KCNE1: variants seen among roughly 807,000 people sequenced by gnomAD.
KCNE1 encodes potassium voltage-gated channel subfamily E regulatory subunit 1, also known as potassium voltage-gated channel subfamily E member 1.
A neutral mutation model predicts 2.9 loss-of-function variants in KCNE1; 1 was observed. That is an observed-to-expected ratio of 0.34 (90% confidence interval 0.12 to 1.62). KCNE1 has a LOEUF of 1.62. KCNE1 is among the 40% of genes most tolerant of loss of function. The pLI is 0.36. For missense variants in KCNE1, 45 were observed against 150.5 expected, an observed-to-expected ratio of 0.30 and a Z score of 3.67; for synonymous variants, 23 against 65.4, an observed-to-expected ratio of 0.35 and a Z score of 3.13.
chr21:34,506,974 T>C (rs41315345), intron 2 of KCNE1, among the ~76,000 whole-genome samples: 1,717 of 152,270 alleles, frequency 0.011, 31 homozygotes, highest in African/African-American at 0.039. Context: ...AGGGGACGCA[T>C]GGCACACCCA....
chr21:34,503,431 C>A (rs189782395), intron 2 of KCNE1, among the ~76,000 whole-genome samples: 52 of 152,230 alleles, frequency 3.4e-4, no homozygotes, highest in Middle Eastern at 3.4e-3. Flanking sequence ...AAAACTCAGC[C>A]CTTTTGGGTT....
chr21:34,503,166 C>T (rs1439937509), intron 2 of KCNE1, among the ~76,000 whole-genome samples: 4 of 152,204 alleles, frequency 2.6e-5, no homozygotes, highest in Non-Finnish European at 5.9e-5. Flanking sequence ...GTGCCTTTGA[C>T]CAACCAGCTA....
At chr21:34,502,651 A>ACTCCACC in intron 2 of KCNE1, among the ~76,000 whole-genome samples, 1 of 152,180 alleles carries the variant, frequency 6.6e-6, no homozygotes, top group South Asian at 2.1e-4. Context: ...ACTCCACCTG[A>ACTCCACC]TGACTTGACC....
chr21:34,500,695 CATAT>C (rs1221413657), intron 2 of KCNE1, among the ~76,000 whole-genome samples: 1 of 152,148 alleles, frequency 6.6e-6, no homozygotes, highest in Non-Finnish European at 1.5e-5. Context: ...TATGTACACA[CATAT>C]ATAATCTTAT....
chr21:34,500,553 T>G (rs561714409), intron 2 of KCNE1, among the ~76,000 whole-genome samples: 1 of 152,370 alleles, frequency 6.6e-6, no homozygotes, highest in African/African-American at 2.4e-5. Flanking sequence ...TCAAAACTAT[T>G]TTTGAAAGTA....
At chr21:34,499,519 G>T (rs1245965939) in intron 2 of KCNE1, among the ~76,000 whole-genome samples, 3 of 152,228 alleles carry the variant, frequency 2.0e-5, no homozygotes, top group Admixed American at 6.5e-5. Context: ...TCTACTGGCT[G>T]CCTCTCTCAA....
intron 2 of KCNE1, among the ~76,000 whole-genome samples, chr21:34,505,259 A>G (rs1983411416): frequency 6.6e-6 from 1 of 151,874 alleles, no homozygotes; most frequent in Non-Finnish European, 1.5e-5. Context: ...TCAGCCTCCC[A>G]AGTAGCTGGG....
At chr21:34,502,704 A>G (rs937346258) in intron 2 of KCNE1, among the ~76,000 whole-genome samples, 5 of 152,266 alleles carry the variant, frequency 3.3e-5, no homozygotes, top group East Asian at 1.9e-4. Context: ...TTGGAGACTT[A>G]CTGTCCGTTG....
At chr21:34,506,914 T>C (rs1983525974) in intron 2 of KCNE1, among the ~76,000 whole-genome samples, 1 of 152,068 alleles carries the variant, frequency 6.6e-6, no homozygotes, top group Non-Finnish European at 1.5e-5. Flanking sequence ...TGAAGAATGA[T>C]TTGAAGCTGG....
chr21:34,502,480 T>G (rs1344695477), intron 2 of KCNE1, among the ~76,000 whole-genome samples: 1 of 152,196 alleles, frequency 6.6e-6, no homozygotes, highest in African/African-American at 2.4e-5. Context: ...AAACCTAGAT[T>G]GGCTTTTCAT....
intron 2 of KCNE1, among the ~76,000 whole-genome samples, chr21:34,502,746 A>C: frequency 6.6e-6 from 1 of 152,194 alleles, no homozygotes; most frequent in Non-Finnish European, 1.5e-5. Context: ...GTGCAAAGAC[A>C]TGCTAAGGCA....
chr21:34,511,740 G>A (rs1983845948), intron 1 of KCNE1, among the ~76,000 whole-genome samples: 1 of 152,222 alleles, frequency 6.6e-6, no homozygotes, highest in South Asian at 2.1e-4. Flanking sequence ...TTCTGGATAG[G>A]CACTGCCCTG....
intron 2 of KCNE1, among the ~76,000 whole-genome samples, chr21:34,502,564 T>C (rs1380199297): frequency 6.6e-6 from 1 of 152,236 alleles, no homozygotes; most frequent in Non-Finnish European, 1.5e-5. Flanking sequence ...TAATTCCCTC[T>C]TGTGCCTACC....
intron 2 of KCNE1, among the ~76,000 whole-genome samples, chr21:34,499,006 A>G (rs981567054): frequency 4.6e-5 from 7 of 152,166 alleles, no homozygotes; most frequent in Non-Finnish European, 1.0e-4. Context: ...GTAGAGAAAT[A>G]TCCATCATGT....
At chr21:34,504,413 G>T (rs1262719838) in intron 2 of KCNE1, among the ~76,000 whole-genome samples, 1 of 152,178 alleles carries the variant, frequency 6.6e-6, no homozygotes, top group Non-Finnish European at 1.5e-5. Flanking sequence ...AATACAAAAG[G>T]CTGAGAACAA....
At chr21:34,501,644 G>A (rs1294509280) in intron 2 of KCNE1, among the ~76,000 whole-genome samples, 1 of 152,164 alleles carries the variant, frequency 6.6e-6, no homozygotes, top group Non-Finnish European at 1.5e-5. Flanking sequence ...AGAGGTGGTG[G>A]TTGGTTAGCG....
At chr21:34,504,156 C>T (rs1484322723) in intron 2 of KCNE1, among the ~76,000 whole-genome samples, 2 of 152,226 alleles carry the variant, frequency 1.3e-5, no homozygotes, top group Non-Finnish European at 2.9e-5. Flanking sequence ...AAAGGACAAC[C>T]ACTCCGTCGT....
chr21:34,503,824 A>C (rs1263092481), intron 2 of KCNE1, among the ~76,000 whole-genome samples: 1 of 152,230 alleles, frequency 6.6e-6, no homozygotes, highest in Non-Finnish European at 1.5e-5. Flanking sequence ...GATTCTTATG[A>C]AAGGTAGGCT....
At chr21:34,505,133 CTATT>C (rs534044632) in intron 2 of KCNE1, among the ~76,000 whole-genome samples, 3 of 152,038 alleles carry the variant, frequency 2.0e-5, no homozygotes, top group Non-Finnish European at 4.4e-5. Context: ...TCTGTCTTTC[CTATT>C]TATTTATTTA....
Sources: allele counts gnomAD v4.1 joint callset (sites outside exome capture counted in the v4.1 genomes callset), GRCh38; gene constraint gnomAD v4.1.1; transcripts MANE v1.5; gene names NCBI Gene and HGNC (gene_info 2026-07-23, HGNC 2026-07-21).